Variants in MYRIP observed in about 807,000 individuals in gnomAD.
The protein encoded by MYRIP is rab effector MyRIP.
In MYRIP, 49 loss-of-function variants were observed where a neutral mutation model predicts 98.0. That is an observed-to-expected ratio of 0.50 (90% CI 0.40 to 0.63). MYRIP has a LOEUF of 0.63. Among genes scored for constraint, MYRIP ranks in the 30% least tolerant of loss-of-function variants. MYRIP has a pLI of 0.00. For synonymous variants in MYRIP, 404 were observed against 409.5 expected (o/e 0.99, Z 0.16); for missense variants, 1,004 against 1,058.2 (o/e 0.95, Z 0.71).
chr3:40,196,756 C>T (rs1951404988), intron 10 of MYRIP, among the ~76,000 whole-genome samples: 1 of 152,188 alleles, frequency 6.6e-6, no homozygotes, highest in South Asian at 2.1e-4. Context: ...TCTTGAAGGT[C>T]ACATTCATTT....
chr3:39,929,368 G>C (rs942057517), intron 2 of MYRIP, among the ~76,000 whole-genome samples: 3 of 151,914 alleles, frequency 2.0e-5, no homozygotes, highest in Admixed American at 1.3e-4. Context: ...AGAAATCTTA[G>C]ATATCAACAA....
rs558302819 is a variant in MYRIP at position 39,845,417 on chromosome 3, T to C, written c.-31+35501T>C. 1.2e-4 allele frequency among the ~76,000 whole-genome samples: 18 copies of C among 152,308 alleles called. 1 individual carries two copies. In the East Asian group the frequency reaches 2.9e-3, roughly 24 times the overall value. On this transcript the variant is annotated intron_variant, in intron 1 of 16. Transcript: ENST00000302541. ...ATTTATATACATTTTATTTTCTCAT[T>C]TTTTAAATTATCTATATTTCTGTCT... is the stretch of plus-strand genomic sequence containing the variant.
intron 3 of MYRIP, among the ~76,000 whole-genome samples, chr3:40,060,904 A>T (rs981202553): frequency 1.3e-5 from 2 of 152,108 alleles, no homozygotes; most frequent in Non-Finnish European, 2.9e-5. Flanking sequence ...AGATATTTTT[A>T]TATTAAAGAA....
intron 4 of MYRIP, among the ~76,000 whole-genome samples, chr3:40,154,928 A>C (rs1306000388): frequency 5.9e-5 from 9 of 152,218 alleles, no homozygotes; most frequent in Non-Finnish European, 1.3e-4. Flanking sequence ...AGATAAATAA[A>C]TGGGAAAAAT....
intron 10 of MYRIP, among the ~76,000 whole-genome samples, chr3:40,192,961 G>A (rs1449651827): frequency 6.6e-6 from 1 of 152,194 alleles, no homozygotes. Context: ...GTATGGTAAT[G>A]AGGAAAGTTC....
chr3:39,881,206 A>T (rs1303375898), intron 1 of MYRIP, among the ~76,000 whole-genome samples: 1 of 150,476 alleles, frequency 6.6e-6, no homozygotes, highest in African/African-American at 2.4e-5. Context: ...AACTCTGAGC[A>T]TTACACCCAT....
intron 2 of MYRIP, among the ~76,000 whole-genome samples, chr3:39,969,205 T>A (rs181464306): frequency 2.0e-5 from 3 of 152,220 alleles, no homozygotes; most frequent in Admixed American, 6.6e-5. Context: ...AAGTTGTTTA[T>A]TGGCTGGAGG....
intron 2 of MYRIP, among the ~76,000 whole-genome samples, chr3:39,970,788 A>G (rs1210689355): frequency 6.6e-6 from 1 of 152,128 alleles, no homozygotes; most frequent in Non-Finnish European, 1.5e-5. Context: ...TTGTGTCTAC[A>G]TGTGTAATTT....
chr3:39,892,228 A>G (rs1472302549), intron 1 of MYRIP, among the ~76,000 whole-genome samples: 1 of 152,164 alleles, frequency 6.6e-6, no homozygotes, highest in Non-Finnish European at 1.5e-5. Flanking sequence ...ACCTAGCCCA[A>G]GTGAAAACTG....
chr3:39,836,951 G>T (rs1166377516), intron 1 of MYRIP, among the ~76,000 whole-genome samples: 1 of 152,192 alleles, frequency 6.6e-6, no homozygotes, highest in Non-Finnish European at 1.5e-5. Context: ...GTAGGGTAAA[G>T]AGATTTAACT....
intron 3 of MYRIP, among the ~76,000 whole-genome samples, chr3:40,134,610 T>C (rs1366053082): frequency 6.6e-6 from 1 of 152,038 alleles, no homozygotes; most frequent in Non-Finnish European, 1.5e-5. Context: ...GACCCCCGAG[T>C]AGCCTAACTG....
At chr3:40,223,633 A>G (rs925717983) in intron 11 of MYRIP, among the ~76,000 whole-genome samples, 27 of 152,320 alleles carry the variant, frequency 1.8e-4, no homozygotes, top group African/African-American at 6.0e-4. Context: ...TAGATAAGAG[A>G]CAATATTTAA....
At chr3:39,852,762 C>CTT (rs1559497097) in intron 1 of MYRIP, among the ~76,000 whole-genome samples, 2 of 151,810 alleles carry the variant, frequency 1.3e-5, no homozygotes, top group Non-Finnish European at 2.9e-5. Flanking sequence ...CTTCTGTTCT[C>CTT]CTCTTCTCTT....
chr3:39,918,046 C>T (rs1337680590), intron 2 of MYRIP, among the ~76,000 whole-genome samples: 2 of 151,988 alleles, frequency 1.3e-5, no homozygotes, highest in Non-Finnish European at 2.9e-5. Flanking sequence ...CCTGCCTCAG[C>T]CTCCGGAGTA....
chr3:39,996,348 C>A lies in MYRIP; in HGVS notation c.111-47702C>A, dbSNP rs57033187. On this transcript the variant is annotated intron_variant, in intron 2 of 16. Coordinates refer to ENST00000302541, the MANE Select transcript of MYRIP (RefSeq NM_015460.4). ...AAGGGATGGAGGAAGATCTACCAAG[C>A]AAATGGAAAACAAAAAAAGGCAGGG... is the stretch of plus-strand genomic sequence containing the variant. 2.4e-3 allele frequency among the ~76,000 whole-genome samples: 360 copies of A among 152,046 alleles called. 1 individual carries two copies. The highest frequency in any genetic ancestry group is 8.2e-3 in the African/African-American group (338 of 41,468).
intron 1 of MYRIP, among the ~76,000 whole-genome samples, chr3:39,840,944 G>A (rs1044449909): frequency 2.6e-5 from 4 of 152,100 alleles, no homozygotes; most frequent in African/African-American, 9.7e-5. Context: ...GTGTCTTGGG[G>A]TTGCTCTTCT....
At chr3:40,068,061 C>G (rs1462548941) in intron 3 of MYRIP, among the ~76,000 whole-genome samples, 1 of 152,026 alleles carries the variant, frequency 6.6e-6, no homozygotes, top group Non-Finnish European at 1.5e-5. Context: ...TTGGGCGTTT[C>G]TTCTCTCATT....
At chr3:40,203,348 T>C (rs918055253) in intron 10 of MYRIP, among the ~76,000 whole-genome samples, 4 of 152,032 alleles carry the variant, frequency 2.6e-5, no homozygotes, top group African/African-American at 9.7e-5. Context: ...ATACTGTCAA[T>C]TTAAGAAAAA....
At chr3:39,888,744 C>T (rs1575347777) in intron 1 of MYRIP, among the ~76,000 whole-genome samples, 1 of 152,110 alleles carries the variant, frequency 6.6e-6, no homozygotes, top group Non-Finnish European at 1.5e-5. Context: ...GAACAGGCAA[C>T]CTACAAAATG....
Sources: allele counts gnomAD v4.1 joint callset (sites outside exome capture counted in the v4.1 genomes callset), GRCh38; gene constraint gnomAD v4.1.1; transcripts MANE v1.5; gene names NCBI Gene and HGNC (gene_info 2026-07-23, HGNC 2026-07-21).